COL5A3: variants seen among roughly 807,000 people sequenced by gnomAD.
COL5A3 encodes collagen type V alpha 3 chain, also known as collagen alpha-3(V) chain.
A neutral mutation model predicts 250.0 loss-of-function variants in COL5A3; 172 were observed. The ratio of observed to expected loss-of-function variants is 0.69; its 90% CI spans 0.61 to 0.78. The LOEUF (loss-of-function observed/expected upper bound fraction) is 0.78. COL5A3 is among the 30% of genes least tolerant of loss of function. COL5A3 has a pLI of 0.00. For missense variants in COL5A3, 2,340 were observed against 2,334.4 expected, an observed-to-expected ratio of 1.00 and a Z score of -0.05; for synonymous variants, 937 against 900.4, an observed-to-expected ratio of 1.04 and a Z score of -0.73.
At chr19:9,960,604 G>A (rs374171842) in intron 66 of COL5A3, 47 bp from the exon 67 acceptor site, 23 of 1,613,448 alleles carry the variant, frequency 1.4e-5, no homozygotes, top group African/African-American at 9.3e-5. Flanking sequence ...GAAGGTGGCC[G>A]ACATCTTGCC....
Position 9,977,231 on chromosome 19 carries a change from C to T in COL5A3, c.3286G>A (p.Ala1096Thr), listed in dbSNP as rs763284986. The T allele has an allele frequency of 6.8e-6, 11 of 1,614,040 alleles. No homozygotes were observed. The highest frequency in any genetic ancestry group is 1.7e-4 in the Middle Eastern group (1 of 6,060). The change falls in exon 44 of 67, where the codon GCG becomes ACG. Residue 1096 changes from alanine (A) to threonine (T), a missense_variant and splice_region_variant. By Grantham distance (58) the Ala-to-Thr change is moderately conservative. Around this residue, in one of 3 missense-constraint regions of COL5A3, gnomAD observed 1,179 missense variants for 1,162.6 expected, o/e 1.01. Coordinates refer to ENST00000264828, the MANE Select transcript of COL5A3 (RefSeq NM_015719.4). ...HKGSKGDKGD[A>T]GPPGQPGIRG... is the part of the protein sequence containing the mutation. ...CCCCACTGGGGACCTTCACTCACCGCGTCTCCTTTATCGCCTTTACTCCCC... is the reference window on the plus strand; with the variant it reads ...CCCCACTGGGGACCTTCACTCACCGTGTCTCCTTTATCGCCTTTACTCCCC...
chr19:9,967,146 G>T (rs1933641101), intron 62 of COL5A3, among the ~76,000 whole-genome samples: 3 of 152,054 alleles, frequency 2.0e-5, no homozygotes, highest in Admixed American at 6.5e-5. Context: ...CCCCATGGGT[G>T]TCCCCCCAAG....
At chr19:9,983,537 A>AAAG (rs2087040036) in intron 31 of COL5A3, among the ~76,000 whole-genome samples, 2 of 14,466 alleles carry the variant, frequency 1.4e-4, no homozygotes. Context: ...AAGAAGAAAG[A>AAAG]AAGAAAGAAA....
intron 26 of COL5A3, 21 bp from the exon 27 acceptor site, chr19:9,989,198 G>C: frequency 1.9e-6 from 3 of 1,614,016 alleles, no homozygotes; most frequent in African/African-American, 2.7e-5. Flanking sequence ...AATAAGGTCA[G>C]TGCCATTCTA....
chr19:10,005,890 C>T lies in COL5A3; in HGVS notation c.343G>A (p.Ala115Thr). 1 of 1,614,010 alleles carries T rather than the reference C, an allele frequency of 6.2e-7. No homozygotes were observed. Among genetic ancestry groups the T allele is most frequent in the Non-Finnish European group, 8.5e-7 (1 of 1,180,026 alleles). ...CCCAGTGCCAGGCCCAACTGCCGGG[C>T]ACCCCTTTCATCATAAATGGACAGC... ...VLLSIYDERGARQLGLALGPA... is the reference protein window; with the variant it reads ...VLLSIYDERGTRQLGLALGPA... The change falls in exon 3 of 67, where the codon GCC (alanine) becomes ACC (threonine). Residue 115 changes from alanine to threonine, a missense_variant. Physicochemically the swap from Ala to Thr is moderately conservative, Grantham distance 58 (BLOSUM62 0). Coordinates refer to ENST00000264828, the MANE Select transcript of COL5A3 (RefSeq NM_015719.4).
intron 65 of COL5A3, among the ~76,000 whole-genome samples, chr19:9,961,765 A>G (rs780187412): frequency 8.6e-5 from 13 of 152,036 alleles, no homozygotes; most frequent in East Asian, 5.8e-4. Context: ...TCACCATGTT[A>G]GCCAGGATGG....
At chr19:9,972,587 C>T (rs1225279917) in intron 51 of COL5A3, among the ~76,000 whole-genome samples, 3 of 152,146 alleles carry the variant, frequency 2.0e-5, no homozygotes, top group African/African-American at 7.2e-5. Flanking sequence ...CCTGTAATCC[C>T]AGCACTTTGG....
Position 9,977,625 on chromosome 19 carries a change from G to T in COL5A3, c.3095C>A (p.Pro1032His). ...GLPGQSGSEGPVGPAGKKGSR... is the reference protein window; with the variant it reads ...GLPGQSGSEGHVGPAGKKGSR... Reference sequence around the variant, plus strand: ...CCCCTTCTTGCCTGCAGGGCCAACGGGGCCTTCGCTGCCACTTTGGCCAGG... The same window carrying T: ...CCCCTTCTTGCCTGCAGGGCCAACGTGGCCTTCGCTGCCACTTTGGCCAGG... The change falls in exon 42 of 67, where the codon CCC becomes CAC. Residue 1032 changes from proline (P) to histidine (H), a missense_variant. By Grantham distance (77) the Pro-to-His change is moderately conservative. Coordinates refer to ENST00000264828, the MANE Select transcript of COL5A3 (RefSeq NM_015719.4). The T allele has an allele frequency of 6.2e-7, 1 of 1,605,642 alleles. No individual in the cohort carries two copies. Among genetic ancestry groups the T allele is most frequent in the South Asian group, 1.1e-5 (1 of 89,948 alleles).
intron 64 of COL5A3, among the ~76,000 whole-genome samples, chr19:9,963,154 C>T (rs894742935): frequency 1.3e-5 from 2 of 152,170 alleles, no homozygotes; most frequent in South Asian, 4.1e-4. Context: ...GCCTGTGCTA[C>T]ACAGTCTCCC....
chr19:9,982,083 T>C lies in COL5A3; in HGVS notation c.2442A>G (p.Ile814Met). The C allele has an allele frequency of 1.2e-6, 2 of 1,610,056 alleles. No homozygotes were observed. Among genetic ancestry groups the C allele is most frequent in the Non-Finnish European group, 1.7e-6 (2 of 1,177,852 alleles). The stretch of plus-strand genomic sequence containing the variant: ...GACTCACCGACTTCCCTTTCTCTCC[T>C]ATGGGTCCCAGGGGACCGGGAAATC... ...SIGFPGPLGP[I>M]GEKGKSGKTG... Residue 814 changes from isoleucine to methionine, a missense_variant, in exon 32 of 67, where the codon ATA becomes ATG. Physicochemically the swap from Ile to Met is conservative, Grantham distance 10 (BLOSUM62 1). Coordinates refer to ENST00000264828, the MANE Select transcript of COL5A3 (RefSeq NM_015719.4).
chr19:9,968,646 G>A lies in COL5A3; in HGVS notation c.4206+29C>T, dbSNP rs775481694. ...GGGAGGGAAAGAGGGGAGGAGATGG[G>A]GAAGAGAATAATGGAATGATGTCCT... On this transcript the variant is annotated intron_variant, in intron 58 of 66. Coordinates refer to ENST00000264828, the MANE Select transcript of COL5A3 (RefSeq NM_015719.4). This position sits in a 1 kb window ranked among gnomAD's most constrained non-coding sequence, Gnocchi z 4.1. The A allele has an allele frequency of 4.4e-6, 7 of 1,607,384 alleles. No homozygotes were observed. Among genetic ancestry groups the A allele is most frequent in the South Asian group, 1.1e-5 (1 of 90,246 alleles).
chr19:9,989,340 C>T lies in COL5A3; in HGVS notation c.2073G>A (p.Thr691=), dbSNP rs758850202. ...CACTCACCTGAGCCCCTTTCTCTCCCGTGGGGCCCTCATGTCCTGGGTGAC... is the reference window on the plus strand; with the variant it reads ...CACTCACCTGAGCCCCTTTCTCTCCTGTGGGGCCCTCATGTCCTGGGTGAC... ...PLGHPGHEGP[T]GEKGAQGPPG... is the part of the protein sequence containing the mutation. Residue 691 remains threonine, a synonymous_variant, in exon 26 of 67, where the codon ACG becomes ACA. Transcript: ENST00000264828. 8 of 1,614,218 alleles carry T rather than the reference C, an allele frequency of 5.0e-6. No individual in the cohort carries two copies. Among genetic ancestry groups the T allele is most frequent in the African/African-American group, 1.3e-5 (1 of 75,062 alleles).
At chr19:9,998,267 C>T in intron 8 of COL5A3, 118 bp from the exon 9 acceptor site, 1 of 1,001,570 alleles carries the variant, frequency 1.0e-6, no homozygotes, top group Non-Finnish European at 1.5e-6. Context: ...CGGAGTCCAC[C>T]CTCAGAGCCC....
Position 10,005,714 on chromosome 19 carries a change from C to T in COL5A3, c.438G>A (p.Arg146=). The change falls in exon 4 of 67, where the codon AGG becomes AGA. Residue 146 remains arginine (R), a splice_region_variant and synonymous_variant. Transcript: ENST00000264828. ...CTATGCTGACGGCCACACGGTGCCA[C>T]CTGCAAGGGGACGGCCTCAGTGCGG... is the stretch of plus-strand genomic sequence containing the variant. The part of the protein sequence containing the change: ...LPQQVNLTDG[R]WHRVAVSIDG... 2 of 1,605,398 alleles carry T rather than the reference C, an allele frequency of 1.2e-6. No homozygotes were observed. The highest frequency in any genetic ancestry group is 1.3e-5 in the African/African-American group (1 of 74,874).
intron 61 of COL5A3, 91 bp from the exon 62 acceptor site, chr19:9,967,491 ACACT>A (rs909085216): frequency 1.2e-4 from 98 of 826,098 alleles, no homozygotes; most frequent in South Asian, 3.2e-4. Context: ...ACTCACACAC[ACACT>A]CACACACACA....
chr19:9,979,122 A>T lies in COL5A3; in HGVS notation c.2874+10T>A. 1 of 1,527,996 alleles carries T rather than the reference A, an allele frequency of 6.5e-7. No homozygotes were observed. The highest frequency in any genetic ancestry group is 8.8e-7 in the Non-Finnish European group (1 of 1,138,788). The allele number at this position is 1,527,996 out of a possible 1,614,324, so 94.7% of individuals were successfully genotyped here. ...TGTTCAACCAAGATCTCCAGTGGAC[A>T]GTGTCTCACCTTGGCCCCCTCTCTG... On this transcript the variant is annotated intron_variant, in intron 39 of 66. Transcript: ENST00000264828.
chr19:10,004,210 CT>C (rs1233626773), intron 4 of COL5A3, 65 bp from the exon 5 acceptor site: 4 of 1,245,292 alleles, frequency 3.2e-6, no homozygotes, highest in Admixed American at 3.5e-5. Context: ...CTCTGACCCC[CT>C]AACCCCCAGC....
rs1555738964 is a variant in COL5A3 at position 9,988,849 on chromosome 19, A to AGAGAGAGAG, written c.2145+274_2145+275insCTCTCTCTC. Among the ~76,000 whole-genome samples, 8 of 74,588 alleles carry AGAGAGAGAG rather than the reference A, an allele frequency of 1.1e-4. No individual in the cohort carries two copies. In the East Asian group the frequency reaches 2.1e-3, roughly 20 times the overall value. 48.9% of individuals were successfully genotyped at this position (74,588 alleles called of 152,430 possible). A position where few individuals can be genotyped will look rare whatever the true frequency, so the allele number is the denominator to read the frequency against. ...ACTCTGTCTCAAAAAAAAAAAAAAA[A>AGAGAGAGAG]AAAAAAAAAGAAAGTAAAGAAAAGA... is the stretch of plus-strand genomic sequence containing the variant. On this transcript the variant is annotated intron_variant, in intron 27 of 66. Transcript: ENST00000264828.
Position 9,985,967 on chromosome 19 carries a change from TG to T in COL5A3, c.2353-73del, listed in dbSNP as rs1466587823. On this transcript the variant is annotated intron_variant, in intron 30 of 66. Transcript: ENST00000264828. ...TCAGAGGCGGAAAGGTCAGGCTGGC[TG>T]GGGCATGGTGAATGGGCTAATGGGA... is the stretch of plus-strand genomic sequence containing the variant. 7 of 1,402,342 alleles carry T rather than the reference TG, an allele frequency of 5.0e-6. No homozygotes were observed. In the Admixed American group the frequency reaches 1.2e-4, roughly 24 times the overall value. The allele number at this position is 1,402,342 out of a possible 1,614,324, so 86.9% of individuals were successfully genotyped here. A position where few individuals can be genotyped will look rare whatever the true frequency, so the allele number is the denominator to read the frequency against.
Sources: allele counts gnomAD v4.1 joint callset (sites outside exome capture counted in the v4.1 genomes callset), GRCh38; gene constraint gnomAD v4.1.1; regional missense constraint gnomAD v4.1.1; non-coding constraint Gnocchi (gnomAD v3.1); transcripts MANE v1.5; gene names NCBI Gene and HGNC (gene_info 2026-07-23, HGNC 2026-07-21).